TTC28: variants seen among roughly 807,000 people sequenced by gnomAD.
TTC28 encodes tetratricopeptide repeat protein 28.
A neutral mutation model predicts 198.0 loss-of-function variants in TTC28; 61 were observed. The ratio of observed to expected loss-of-function variants is 0.31; its 90% confidence interval spans 0.25 to 0.38. The LOEUF is 0.38. Among genes scored for constraint, TTC28 ranks in the 10% least tolerant of loss-of-function variants. The pLI is 1.00. For missense variants in TTC28, 2,678 were observed against 3,164.0 expected (o/e 0.85, Z 3.69); for synonymous variants, 1,171 against 1,297.8 (o/e 0.90, Z 2.10).
chr22:28,218,957 TAA>T (rs879910239), intron 5 of TTC28, among the ~76,000 whole-genome samples: 26 of 127,912 alleles, frequency 2.0e-4, no homozygotes, highest in Non-Finnish European at 1.7e-4. Flanking sequence ...ACCAACACAG[TAA>T]AAAAAAAAAA....
At chr22:28,617,895 T>C (rs961514022) in intron 2 of TTC28, among the ~76,000 whole-genome samples, 13 of 152,162 alleles carry the variant, frequency 8.5e-5, no homozygotes, top group African/African-American at 3.1e-4. Flanking sequence ...ACTTCTAGTT[T>C]ACCTGAAACA....
intron 5 of TTC28, among the ~76,000 whole-genome samples, chr22:28,219,130 G>A (rs1775950677): frequency 6.6e-6 from 1 of 152,056 alleles, no homozygotes; most frequent in African/African-American, 2.4e-5. Flanking sequence ...TTCTGACTCT[G>A]AGACTTACTA....
chr22:28,647,831 T>C (rs2051495299), intron 1 of TTC28, among the ~76,000 whole-genome samples: 2 of 150,188 alleles, frequency 1.3e-5, no homozygotes, highest in South Asian at 4.2e-4. Flanking sequence ...AGAGTGAGAC[T>C]CCCTCTCAAA....
chr22:28,104,490 T>C (rs1371814567), intron 8 of TTC28, among the ~76,000 whole-genome samples: 6 of 152,180 alleles, frequency 3.9e-5, no homozygotes, highest in Non-Finnish European at 7.3e-5. Context: ...TATCTGCCCT[T>C]TTTCCCTTCT....
intron 6 of TTC28, among the ~76,000 whole-genome samples, chr22:28,127,308 T>C (rs1304657578): frequency 6.6e-6 from 1 of 152,152 alleles, no homozygotes; most frequent in East Asian, 1.9e-4. Flanking sequence ...CATTTATAAC[T>C]AAGGGTCACT....
chr22:28,410,529 G>A (rs917726277), intron 2 of TTC28, among the ~76,000 whole-genome samples: 1 of 152,168 alleles, frequency 6.6e-6, no homozygotes, highest in African/African-American at 2.4e-5. Context: ...TTGTGAAAAG[G>A]AACATAGATT....
At chr22:28,285,905 G>T (rs1443700447) in intron 5 of TTC28, among the ~76,000 whole-genome samples, 4 of 152,088 alleles carry the variant, frequency 2.6e-5, no homozygotes, top group African/African-American at 9.7e-5. Context: ...AATTTCAACA[G>T]TGGATGAATG....
At chr22:28,571,293 G>C (rs1367212007) in intron 2 of TTC28, among the ~76,000 whole-genome samples, 1 of 152,132 alleles carries the variant, frequency 6.6e-6, no homozygotes, top group Non-Finnish European at 1.5e-5. Flanking sequence ...TTCTCACAGA[G>C]AGAAACAATC....
chr22:28,469,059 C>T (rs965500113), intron 2 of TTC28, among the ~76,000 whole-genome samples: 18 of 152,176 alleles, frequency 1.2e-4, no homozygotes, highest in African/African-American at 3.9e-4. Context: ...AGGAACTGCA[C>T]CTCCTCAACG....
At chr22:28,318,812 CTTTTTTTTTTT>C (rs71316836) in intron 2 of TTC28, among the ~76,000 whole-genome samples, 5 of 61,334 alleles carry the variant, frequency 8.2e-5, no homozygotes, top group African/African-American at 1.3e-4. Flanking sequence ...GAAGTGTATT[CTTTTTTTTTTT>C]TTTTTTTTTT....
chr22:28,335,723 T>C (rs1355402036), intron 2 of TTC28, among the ~76,000 whole-genome samples: 1 of 152,212 alleles, frequency 6.6e-6, no homozygotes, highest in African/African-American at 2.4e-5. Flanking sequence ...CCTTATCAGC[T>C]TAAGAAGATT....
chr22:28,508,405 T>C (rs1333206149), intron 2 of TTC28, among the ~76,000 whole-genome samples: 1 of 152,178 alleles, frequency 6.6e-6, no homozygotes. Context: ...TATCTCAGCC[T>C]CCTGAGTACC....
In TTC28 at chr22:28,403,411, T is replaced by C. The variant is rs113882541; in HGVS notation, c.382-96768A>G. ...TTAGAGAATGGGCAGGTGGATTCCA[T>C]AGTGACAGTTCAACTCATAAAATGA... On this transcript the variant is annotated intron_variant, in intron 2 of 22. Transcript: ENST00000397906. Among the ~76,000 whole-genome samples, 343 of 152,312 alleles carry C rather than the reference T, an allele frequency of 2.3e-3. 1 individual carries two copies. The highest frequency in any genetic ancestry group is 7.7e-3 in the African/African-American group (319 of 41,564).
At chr22:28,149,268 T>C (rs1183043696) in intron 6 of TTC28, among the ~76,000 whole-genome samples, 1 of 152,220 alleles carries the variant, frequency 6.6e-6, no homozygotes, top group Non-Finnish European at 1.5e-5. Flanking sequence ...ACCACAGGCA[T>C]GAATGGGATC....
intron 5 of TTC28, among the ~76,000 whole-genome samples, chr22:28,284,420 G>A (rs1049986912): frequency 2.0e-5 from 3 of 152,148 alleles, no homozygotes; most frequent in African/African-American, 7.2e-5. Context: ...GTTTAGAGCA[G>A]CCTTTCTGGT....
intron 2 of TTC28, among the ~76,000 whole-genome samples, chr22:28,539,645 A>T (rs1473916139): frequency 1.3e-5 from 2 of 151,928 alleles, no homozygotes; most frequent in Non-Finnish European, 2.9e-5. Flanking sequence ...CAAAAAAAAA[A>T]AGGAAAGAAA....
intron 2 of TTC28, among the ~76,000 whole-genome samples, chr22:28,478,473 CACTCTAGCCTGGGCAACAGAGTGAG>C (rs1252137335): frequency 3.3e-5 from 5 of 152,186 alleles, no homozygotes; most frequent in Admixed American, 6.5e-5. Context: ...CGCACCACTG[CACTCTAGCCTGGGCAACAGAGTGAG>C]ACTCTGTCTC....
At chr22:28,124,565 C>T (rs140224505) in intron 6 of TTC28, among the ~76,000 whole-genome samples, 3 of 152,210 alleles carry the variant, frequency 2.0e-5, no homozygotes, top group African/African-American at 7.2e-5. Flanking sequence ...CAGAACTTGC[C>T]GTAGGTCACA....
rs545140324 is a variant in TTC28 at position 28,557,647 on chromosome 22, T to C, written c.381+71905A>G. On this transcript the variant is annotated intron_variant, in intron 2 of 22. Transcript: ENST00000397906. ...CTGATCCCTTCAATATCTTAAGTTC[T>C]TGGGGTCTGTTGTATTTTTCAGCCA... Among the ~76,000 whole-genome samples the C allele has an allele frequency of 3.3e-5, 5 of 152,344 alleles. 1 individual carries two copies. In the South Asian group the frequency reaches 1.0e-3, roughly 32 times the overall value.
Sources: allele counts gnomAD v4.1 joint callset (sites outside exome capture counted in the v4.1 genomes callset), GRCh38; gene constraint gnomAD v4.1.1; transcripts MANE v1.5; gene names NCBI Gene and HGNC (gene_info 2026-07-23, HGNC 2026-07-21).